The following STK3 variants were observed in gnomAD, a reference collection of about 807,000 sequenced individuals.
STK3 encodes the protein serine/threonine kinase 3.
A neutral mutation model predicts 58.0 loss-of-function variants in STK3; 41 were observed. The ratio of observed to expected loss-of-function variants is 0.71; its 90% confidence interval spans 0.55 to 0.92. The LOEUF is 0.92. Ranked by LOEUF, STK3 falls within the 40% of genes least tolerant of loss-of-function variation. The pLI is 0.00. For synonymous variants in STK3, 170 were observed against 191.0 expected, an observed-to-expected ratio of 0.89 and a Z score of 0.91; for missense variants, 479 against 602.7, an observed-to-expected ratio of 0.79 and a Z score of 2.15.
chr8:98,868,180 T>TA (rs1039097935), intron 3 of STK3, among the ~76,000 whole-genome samples: 5 of 152,108 alleles, frequency 3.3e-5, no homozygotes, highest in East Asian at 1.9e-4. Flanking sequence ...AAGAAAACTT[T>TA]AAAAAAACAG....
intron 3 of STK3, chr8:98,429,018 G>T (rs1472287991): frequency 6.2e-7 from 1 of 1,613,924 alleles, no homozygotes; most frequent in Non-Finnish European, 8.5e-7. Context: ...CTCCGTGGTG[G>T]CCTACACCAT....
chr8:98,848,807 C>T (rs545924175), intron 3 of STK3, among the ~76,000 whole-genome samples: 2 of 152,186 alleles, frequency 1.3e-5, no homozygotes, highest in Non-Finnish European at 2.9e-5. Context: ...TTGCTGTAAA[C>T]ATTCATGTAC....
chr8:98,380,352 A>G (rs1213566990), intron 1 of STK3, among the ~76,000 whole-genome samples: 3 of 152,222 alleles, frequency 2.0e-5, no homozygotes, highest in Non-Finnish European at 4.4e-5. Context: ...ACAGCTCACA[A>G]TCTTATTACC....
At chr8:98,407,759 C>T (rs73703206) in intron 3 of STK3, among the ~76,000 whole-genome samples, 4,308 of 121,044 alleles carry the variant, frequency 0.036, 170 homozygotes, top group African/African-American at 0.12. Context: ...TGTGTGTGTG[C>T]GCGCGCGCGC....
intron 1 of STK3, among the ~76,000 whole-genome samples, chr8:98,924,788 G>T (rs1236711513): frequency 1.3e-5 from 2 of 152,166 alleles, no homozygotes; most frequent in Non-Finnish European, 2.9e-5. Context: ...AGCTAGGTCT[G>T]CGGAAAGCAG....
intron 6 of STK3, among the ~76,000 whole-genome samples, chr8:98,628,617 C>T (rs758679733): frequency 4.6e-5 from 7 of 151,854 alleles, no homozygotes; most frequent in South Asian, 2.1e-4. Context: ...GGCAAAATAG[C>T]GCAACCCTAT....
At chr8:98,606,311 T>C (rs1816773088) in intron 6 of STK3, 2 of 152,294 alleles carry the variant, frequency 1.3e-5, no homozygotes, top group Non-Finnish European at 2.9e-5. Flanking sequence ...GGGAAGGGAA[T>C]GGCAATATAG....
intron 10 of STK3, among the ~76,000 whole-genome samples, chr8:98,481,000 T>A (rs893225253): frequency 6.6e-6 from 1 of 152,216 alleles, no homozygotes; most frequent in Non-Finnish European, 1.5e-5. Context: ...AAGAGAAAAA[T>A]TAGCCAGAAG....
At chr8:98,632,637 T>C (rs955965673) in intron 6 of STK3, among the ~76,000 whole-genome samples, 1 of 152,236 alleles carries the variant, frequency 6.6e-6, no homozygotes, top group Non-Finnish European at 1.5e-5. Flanking sequence ...ACATTTTAGA[T>C]GTTAACCTAA....
At chr8:98,502,951 T>C (rs553122403) in intron 10 of STK3, among the ~76,000 whole-genome samples, 30 of 152,358 alleles carry the variant, frequency 2.0e-4, no homozygotes, top group African/African-American at 7.2e-4. Flanking sequence ...TCTTTTTCTA[T>C]TGATTACAAT....
chr8:98,889,761 T>C (rs532317271), intron 1 of STK3: 19 of 152,304 alleles, frequency 1.2e-4, no homozygotes, highest in African/African-American at 4.3e-4. Flanking sequence ...AAAATACAGA[T>C]TGCTGAACCG....
chr8:98,767,334 A>T lies in STK3; in HGVS notation c.145T>A (p.Ser49Thr), dbSNP rs1403140497. Residue 49 changes from serine to threonine, a missense_variant, in exon 3 of 11, where the codon TCC becomes ACC. Around this residue, in one of 3 missense-constraint regions of STK3, gnomAD observed 126 missense variants for 210.1 expected, o/e 0.60. Coordinates refer to ENST00000419617, the MANE Select transcript of STK3 (RefSeq NM_006281.4). Reference protein sequence around the residue: ...GSVFKAIHKESGQVVAIKQVP... With the variant: ...GSVFKAIHKETGQVVAIKQVP... Reference sequence around the variant, plus strand: ...TGTTTAATTGCGACAACTTGACCGGATTCCTTGTGTATTGCTTTAAATACA... The same window carrying T: ...TGTTTAATTGCGACAACTTGACCGGTTTCCTTGTGTATTGCTTTAAATACA... 1 of 1,610,884 alleles carries T rather than the reference A, an allele frequency of 6.2e-7. No homozygotes were observed. Among genetic ancestry groups the T allele is most frequent in the Admixed American group, 1.7e-5 (1 of 59,142 alleles).
At chr8:98,356,703 T>C in the STK3 span, among the ~76,000 whole-genome samples, 2 of 152,376 alleles carry the variant, frequency 1.3e-5, no homozygotes, top group African/African-American at 4.8e-5. Context: ...AACTGGTGTT[T>C]AGACCTCACA....
At chr8:98,658,152 A>G (rs1206992163) in intron 6 of STK3, among the ~76,000 whole-genome samples, 1 of 152,104 alleles carries the variant, frequency 6.6e-6, no homozygotes, top group Non-Finnish European at 1.5e-5. Flanking sequence ...AGCACAGACT[A>G]TTAGATCCAA....
chr8:98,719,768 C>G (rs1317840803), intron 4 of STK3, among the ~76,000 whole-genome samples: 1 of 152,220 alleles, frequency 6.6e-6, no homozygotes, highest in Non-Finnish European at 1.5e-5. Context: ...GCTGGATATA[C>G]ACGGACAGGG....
At chr8:98,905,009 G>C (rs1165874681) in intron 1 of STK3, 3 of 782,804 alleles carry the variant, frequency 3.8e-6, no homozygotes, top group Non-Finnish European at 6.9e-6. Flanking sequence ...TATAGTAGTG[G>C]AGTGCTGCAT....
intron 6 of STK3, among the ~76,000 whole-genome samples, chr8:98,677,354 C>T (rs1823301466): frequency 6.7e-6 from 1 of 148,602 alleles, no homozygotes; most frequent in African/African-American, 2.5e-5. Context: ...CCCCCACCGC[C>T]ACCCAACTTA....
chr8:98,603,745 C>A (rs550338370), intron 6 of STK3, among the ~76,000 whole-genome samples: 2 of 150,328 alleles, frequency 1.3e-5, no homozygotes, highest in Non-Finnish European at 3.0e-5. Flanking sequence ...ATGCTGGAAG[C>A]GGGGCCTGGG....
At chr8:98,791,388 A>G (rs977230158) in intron 1 of STK3, among the ~76,000 whole-genome samples, 1 of 152,238 alleles carries the variant, frequency 6.6e-6, no homozygotes, top group Non-Finnish European at 1.5e-5. Flanking sequence ...GATAATGACC[A>G]TACTGCCAAA....
Sources: gnomAD v4.1 joint callset for allele counts (sites outside exome capture counted in the v4.1 genomes callset) on GRCh38, gnomAD v4.1.1 for gene constraint, gnomAD v4.1.1 regional missense constraint, MANE v1.5 for transcripts, NCBI Gene and HGNC (gene_info 2026-07-23, HGNC 2026-07-21) for gene names.